Variants in AHI1 observed in about 807,000 individuals in gnomAD.
The protein encoded by AHI1 is Abelson helper integration site 1.
A neutral mutation model predicts 149.3 loss-of-function variants in AHI1; 123 were observed. The observed-to-expected ratio is 0.82, with a 90% CI of 0.71 to 0.96. The LOEUF is 0.96. Ranked by LOEUF, AHI1 falls within the 40% of genes least tolerant of loss-of-function variation. AHI1 has a pLI of 0.00. For synonymous variants in AHI1, 475 were observed against 459.8 expected, an observed-to-expected ratio of 1.03 and a Z score of -0.42; for missense variants, 1,439 against 1,422.7, an observed-to-expected ratio of 1.01 and a Z score of -0.18.
In AHI1 at chr6:135,428,762, A is replaced by G; in HGVS notation, c.2493-3T>C. 6.3e-7 allele frequency: 1 copy of G among 1,595,484 alleles called. No homozygotes were observed. The highest frequency in any genetic ancestry group is 8.5e-7 in the Non-Finnish European group (1 of 1,170,042). On this transcript the variant is annotated splice_region_variant and splice_polypyrimidine_tract_variant and intron_variant, in intron 18 of 28. Transcript: ENST00000265602. ...CTACAAACTTCCTTGCTACTAATCT[A>G]CAAGCAAAAAAGATTTTACAAATGT...
intron 23 of AHI1, among the ~76,000 whole-genome samples, chr6:135,371,886 T>TAGAAAG (rs1775117292): frequency 6.6e-6 from 1 of 152,114 alleles, no homozygotes; most frequent in African/African-American, 2.4e-5. Context: ...TTTCCAAAGG[T>TAGAAAG]GTGAGTAGAA....
Position 135,388,149 on chromosome 6 carries a change from A to T in AHI1, c.3109+6627T>A. 2.6e-6 allele frequency: 3 copies of T among 1,139,696 alleles called. No individual in the cohort carries two copies. In the East Asian group the frequency reaches 7.7e-5, roughly 29 times the overall value. 70.6% of individuals were successfully genotyped at this position (1,139,696 alleles called of 1,614,324 possible). On this transcript the variant is annotated intron_variant, in intron 23 of 28. Coordinates refer to ENST00000265602, the MANE Select transcript of AHI1 (RefSeq NM_001134831.2). ...CTATAGAAATCAGTTAATTTTGTAG[A>T]TTACCTATTAATCTACAATAGTGAA...
chr6:135,306,035 C>T (rs1784498670), intron 26 of AHI1, among the ~76,000 whole-genome samples: 1 of 152,190 alleles, frequency 6.6e-6, no homozygotes, highest in African/African-American at 2.4e-5. Flanking sequence ...CATTTTGTGA[C>T]TCTCTGATTA....
Position 135,335,597 on chromosome 6 carries a change from C to T in AHI1, c.3166-12273G>A, listed in dbSNP as rs551788782. Among the ~76,000 whole-genome samples, 282 of 152,002 alleles carry T rather than the reference C, an allele frequency of 1.9e-3. 1 individual carries two copies. The highest frequency in any genetic ancestry group is 6.6e-3 in the African/African-American group (274 of 41,482). Reference sequence around the variant, plus strand: ...CTTTTATGTTGCTAATAAATAGTACCAAGGTGCATGCAGATATATAATATT... The same window carrying T: ...CTTTTATGTTGCTAATAAATAGTACTAAGGTGCATGCAGATATATAATATT... On this transcript the variant is annotated intron_variant, in intron 24 of 28. Transcript: ENST00000265602.
At chr6:135,356,983 G>GT (rs1793066022) in intron 24 of AHI1, among the ~76,000 whole-genome samples, 1 of 152,134 alleles carries the variant, frequency 6.6e-6, no homozygotes, top group Non-Finnish European at 1.5e-5. Context: ...TCTGATGCCA[G>GT]GCTGAAGTGC....
chr6:135,408,022 G>A (rs1781049478), intron 21 of AHI1, among the ~76,000 whole-genome samples: 1 of 149,822 alleles, frequency 6.7e-6, no homozygotes, highest in South Asian at 2.1e-4. Context: ...GCGACAGAGT[G>A]AGATTCCGTC....
At chr6:135,305,483 CAT>C (rs1051317252) in intron 26 of AHI1, among the ~76,000 whole-genome samples, 4 of 152,242 alleles carry the variant, frequency 2.6e-5, no homozygotes, top group African/African-American at 9.6e-5. Flanking sequence ...ATGAACTTTA[CAT>C]GTCTCAAATT....
intron 28 of AHI1, among the ~76,000 whole-genome samples, chr6:135,288,310 C>T (rs1366683011): frequency 6.6e-6 from 1 of 151,996 alleles, no homozygotes; most frequent in Non-Finnish European, 1.5e-5. Flanking sequence ...GTAAGAGAAA[C>T]AGCCCTGAAC....
At chr6:135,482,894 C>CTTTTTTTTTTTTTTTTTTTTGT (rs761997683) in intron 5 of AHI1, among the ~76,000 whole-genome samples, 1 of 55,734 alleles carries the variant, frequency 1.8e-5, no homozygotes. Flanking sequence ...CCATTTAAGG[C>CTTTTTTTTTTTTTTTTTTTTGT]TTTTTTTTTT....
chr6:135,321,519 G>T (rs1472617356), intron 25 of AHI1, among the ~76,000 whole-genome samples: 1 of 152,160 alleles, frequency 6.6e-6, no homozygotes, highest in African/African-American at 2.4e-5. Context: ...TGAAGACAAG[G>T]TCGTGGGAAG....
At position 135,463,403 on chromosome 6, in the gene AHI1, T is replaced by C; in HGVS notation, c.750-97A>G. On this transcript the variant is annotated intron_variant, in intron 7 of 28. Transcript: ENST00000265602. ...AGTGAACAGTAAATAGGAGCAAAGA[T>C]AATCCTAAAATCACTATTATTGTCT... The C allele has an allele frequency of 5.8e-6, 6 of 1,028,992 alleles. No individual in the cohort carries two copies. In the South Asian group the frequency reaches 1.1e-4, roughly 18 times the overall value. 63.7% of individuals were successfully genotyped at this position (1,028,992 alleles called of 1,614,324 possible).
intron 27 of AHI1, among the ~76,000 whole-genome samples, chr6:135,292,205 C>CT (rs1782449503): frequency 6.6e-6 from 1 of 152,184 alleles, no homozygotes; most frequent in South Asian, 2.1e-4. Context: ...CACTGCCCTA[C>CT]TTTTGTGCCT....
At chr6:135,381,809 G>C (rs1776805294) in intron 23 of AHI1, among the ~76,000 whole-genome samples, 1 of 152,164 alleles carries the variant, frequency 6.6e-6, no homozygotes. Context: ...TCCCCAGATA[G>C]ACTGGAAAGC....
intron 24 of AHI1, among the ~76,000 whole-genome samples, chr6:135,352,712 TAC>T (rs573886880): frequency 0.06 from 8,659 of 145,328 alleles, 777 homozygotes; most frequent in African/African-American, 0.19. Flanking sequence ...TATATATATA[TAC>T]ACACACACAC....
rs569756770 is a variant in AHI1, at chr6:135,386,552, C to T, written c.3109+8224G>A. Among the ~76,000 whole-genome samples the T allele has an allele frequency of 1.5e-3, 228 of 152,182 alleles. 1 individual carries two copies. Among genetic ancestry groups the T allele is most frequent in the African/African-American group, 4.9e-3 (203 of 41,526 alleles). ...GTCTCGATCTCCTGACCTTGTGATCCGCCTGCCTCGGCCTCCCAAAGTGCT... is the reference window on the plus strand; with the variant it reads ...GTCTCGATCTCCTGACCTTGTGATCTGCCTGCCTCGGCCTCCCAAAGTGCT... On this transcript the variant is annotated intron_variant, in intron 23 of 28. Coordinates refer to ENST00000265602, the MANE Select transcript of AHI1 (RefSeq NM_001134831.2).
intron 24 of AHI1, among the ~76,000 whole-genome samples, chr6:135,349,552 GACA>G (rs1350418936): frequency 6.6e-6 from 1 of 152,166 alleles, no homozygotes; most frequent in East Asian, 1.9e-4. Context: ...CTGATCTACT[GACA>G]ACAACTAACC....
intron 5 of AHI1, among the ~76,000 whole-genome samples, chr6:135,485,801 C>T (rs1794387596): frequency 6.6e-6 from 1 of 152,100 alleles, no homozygotes; most frequent in South Asian, 2.1e-4. Flanking sequence ...GTTCTCCTCA[C>T]TAAGTGTCAC....
chr6:135,428,721 C>A lies in AHI1; in HGVS notation c.2531G>T (p.Arg844Leu). 6.2e-7 allele frequency: 1 copy of A among 1,606,210 alleles called. No individual in the cohort carries two copies. Residue 844 changes from arginine to leucine, a missense_variant, in exon 19 of 29, where the codon CGG becomes CTG. Transcript: ENST00000265602. The stretch of plus-strand genomic sequence containing the variant: ...AGTCAAAGTACTATGAATCTTCTCC[C>A]GATAATTTGCTGCTCCTACAAACTT... ...ARKFVGAANY[R>L]EKIHSTLTPC... is the part of the protein sequence containing the mutation.
intron 24 of AHI1, among the ~76,000 whole-genome samples, chr6:135,334,695 A>T (rs1789107214): frequency 6.6e-6 from 1 of 152,204 alleles, no homozygotes. Flanking sequence ...TATACATTGG[A>T]CTACAGATTT....
Sources: allele counts gnomAD v4.1 joint callset (sites outside exome capture counted in the v4.1 genomes callset), GRCh38; gene constraint gnomAD v4.1.1; transcripts MANE v1.5; gene names NCBI Gene and HGNC (gene_info 2026-07-23, HGNC 2026-07-21).